The following PTPN22 variants were observed in gnomAD, a reference collection of about 807,000 sequenced individuals.
PTPN22 encodes the protein tyrosine-protein phosphatase non-receptor type 22.
In PTPN22, 85 loss-of-function variants were observed where a neutral mutation model predicts 103.3. The ratio of observed to expected loss-of-function variants is 0.82; its 90% CI spans 0.69 to 0.99. PTPN22 has a LOEUF of 0.99. Among genes scored for constraint, PTPN22 ranks in the 50% least tolerant of loss-of-function variants. The pLI is 0.00. For synonymous variants in PTPN22, 323 were observed against 310.2 expected, an observed-to-expected ratio of 1.04 and a Z score of -0.43; for missense variants, 865 against 936.9, an observed-to-expected ratio of 0.92 and a Z score of 1.00.
intron 1 of PTPN22, among the ~76,000 whole-genome samples, chr1:113,859,947 C>A (rs1665417255): frequency 6.9e-6 from 1 of 145,556 alleles, no homozygotes; most frequent in Admixed American, 7.0e-5. Context: ...ATTTCAGTTC[C>A]AAAAGCAGTC....
At chr1:113,816,998 A>G (rs1367020984) in intron 20 of PTPN22, among the ~76,000 whole-genome samples, 1 of 152,144 alleles carries the variant, frequency 6.6e-6, no homozygotes, top group Non-Finnish European at 1.5e-5. Context: ...GATTCAAGAA[A>G]AAAAAGCACA....
At position 113,825,185 on chromosome 1, in the gene PTPN22, G is replaced by C; in HGVS notation, c.2251-13C>G. On this transcript the variant is annotated splice_polypyrimidine_tract_variant and intron_variant, in intron 18 of 20. Coordinates refer to ENST00000359785, the Ensembl canonical transcript of PTPN22. ...AAATTTTCAAACTCTACAAAAGAAA[G>C]GAAAAATGTTAGTTTTTTTTCCTGT... 1 of 1,448,862 alleles carries C rather than the reference G, an allele frequency of 6.9e-7. No homozygotes were observed. Among genetic ancestry groups the C allele is most frequent in the Non-Finnish European group, 9.4e-7 (1 of 1,058,300 alleles). The allele number at this position is 1,448,862 out of a possible 1,614,324, so 89.8% of individuals were successfully genotyped here. A position where few individuals can be genotyped will look rare whatever the true frequency, so the allele number is the denominator to read the frequency against.
intron 7 of PTPN22, among the ~76,000 whole-genome samples, chr1:113,855,273 T>A (rs1454399743): frequency 6.6e-6 from 1 of 152,006 alleles, no homozygotes; most frequent in African/African-American, 2.4e-5. Flanking sequence ...AGCAGGCAGA[T>A]TACTTGAGGT....
At chr1:113,857,869 T>C (rs1464960198) in intron 4 of PTPN22, 93 bp from the exon 5 acceptor site, 1 of 1,179,366 alleles carries the variant, frequency 8.5e-7, no homozygotes, top group Non-Finnish European at 1.2e-6. Context: ...GTATTAACCG[T>C]TCTTTTTTCT....
intron 16 of PTPN22, 112 bp downstream of exon 16, chr1:113,832,999 G>A: frequency 8.6e-6 from 9 of 1,047,808 alleles, no homozygotes; most frequent in Non-Finnish European, 1.3e-5. Context: ...AATGAATACT[G>A]GAAGCTATTA....
At chr1:113,820,860 C>T (rs1230125962) in intron 19 of PTPN22, among the ~76,000 whole-genome samples, 1 of 151,988 alleles carries the variant, frequency 6.6e-6, no homozygotes, top group African/African-American at 2.4e-5. Context: ...TCTAGAAACA[C>T]CTTCCTTTTC....
rs112759955 is a variant in PTPN22 at position 113,860,530 on chromosome 1, T to C, written c.88-1070A>G. Among the ~76,000 whole-genome samples, 668 of 152,278 alleles carry C rather than the reference T, an allele frequency of 4.4e-3. 2 individuals are homozygous for C. The highest frequency in any genetic ancestry group is 0.016 in the African/African-American group (645 of 41,548). On this transcript the variant is annotated intron_variant, in intron 1 of 20. Transcript: ENST00000359785. ...GAGATACTGAACTGATATCTTTTTG[T>C]TTGTTTGTTTGTTTAACTTTGAACC...
At chr1:113,815,142 C>G (rs540301479) in intron 20 of PTPN22, among the ~76,000 whole-genome samples, 173 bp from the exon 21 acceptor site, 3 of 151,890 alleles carry the variant, frequency 2.0e-5, no homozygotes, top group Non-Finnish European at 4.4e-5. Flanking sequence ...TAATCTAAAG[C>G]TTAAATGATA....
chr1:113,827,808 C>T (rs748235360), intron 18 of PTPN22, among the ~76,000 whole-genome samples: 1 of 151,952 alleles, frequency 6.6e-6, no homozygotes, highest in Non-Finnish European at 1.5e-5. Flanking sequence ...ATAGCAAGAC[C>T]CCATCTCTAA....
At chr1:113,849,961 C>T (rs1240177431) in intron 10 of PTPN22, among the ~76,000 whole-genome samples, 1 of 151,494 alleles carries the variant, frequency 6.6e-6, no homozygotes, top group African/African-American at 2.4e-5. Context: ...TTTGGGAGGC[C>T]GAGGCAGGCA....
At chr1:113,819,788 G>A in intron 19 of PTPN22, 134 bp from the exon 20 acceptor site, 1 of 502,198 alleles carries the variant, frequency 2.0e-6, no homozygotes, top group East Asian at 3.2e-5. Flanking sequence ...TTAACAAAAT[G>A]TAGGTGCTTA....
chr1:113,826,591 A>G (rs540660069), intron 18 of PTPN22, among the ~76,000 whole-genome samples: 9 of 150,372 alleles, frequency 6.0e-5, no homozygotes, highest in African/African-American at 1.5e-4. Flanking sequence ...TCTGTATTCA[A>G]TTTACTAAGG....
intron 9 of PTPN22, among the ~76,000 whole-genome samples, chr1:113,854,146 G>C (rs1043515417): frequency 1.3e-5 from 2 of 152,080 alleles, no homozygotes; most frequent in Non-Finnish European, 2.9e-5. Context: ...GATTACAGGC[G>C]TGAGCCACTG....
chr1:113,827,648 A>G (rs370620991), intron 18 of PTPN22, among the ~76,000 whole-genome samples: 2 of 152,250 alleles, frequency 1.3e-5, no homozygotes, highest in East Asian at 3.8e-4. Context: ...CTTGGTATAC[A>G]TGTCATTTCA....
At chr1:113,861,407 A>AT (rs1381860803) in intron 1 of PTPN22, among the ~76,000 whole-genome samples, 3 of 151,846 alleles carry the variant, frequency 2.0e-5, no homozygotes, top group Admixed American at 6.6e-5. Flanking sequence ...TGCCTGGCCA[A>AT]TTTTTTGTAT....
intron 9 of PTPN22, among the ~76,000 whole-genome samples, chr1:113,853,460 C>T (rs1346941440): frequency 6.7e-6 from 1 of 148,914 alleles, no homozygotes; most frequent in Non-Finnish European, 1.5e-5. Flanking sequence ...AAGTGATTCT[C>T]CTGTCTCAGC....
intron 5 of PTPN22, 187 bp downstream of exon 5, chr1:113,857,547 AAAAC>A (rs1665185493): frequency 7.3e-6 from 4 of 544,228 alleles, no homozygotes; most frequent in Non-Finnish European, 1.3e-5. Flanking sequence ...GTCTACTGAG[AAAAC>A]AAACAAATAG....
chr1:113,820,169 C>G (rs1203809662), intron 19 of PTPN22, among the ~76,000 whole-genome samples: 1 of 152,008 alleles, frequency 6.6e-6, no homozygotes, highest in Admixed American at 6.6e-5. Context: ...AATTTAGGCC[C>G]ATAACCGGGC....
intron 1 of PTPN22, among the ~76,000 whole-genome samples, chr1:113,867,978 T>C (rs976216726): frequency 2.0e-5 from 3 of 152,256 alleles, no homozygotes; most frequent in African/African-American, 7.2e-5. Context: ...ACATGACCTC[T>C]TGTATATTTT....
Sources: allele counts gnomAD v4.1 joint callset (sites outside exome capture counted in the v4.1 genomes callset), GRCh38; gene constraint gnomAD v4.1.1; transcripts MANE v1.5; gene names NCBI Gene and HGNC (gene_info 2026-07-23, HGNC 2026-07-21).